The following HTR4 variants were observed in gnomAD, a reference collection of about 807,000 sequenced individuals.
The protein encoded by HTR4 is 5-hydroxytryptamine receptor 4.
A neutral mutation model predicts 36.8 loss-of-function variants in HTR4; 16 were observed. The ratio of observed to expected loss-of-function variants is 0.43; its 90% CI spans 0.29 to 0.66. HTR4 has a LOEUF of 0.66. Among genes scored for constraint, HTR4 ranks in the 30% least tolerant of loss-of-function variants. The pLI, the probability that HTR4 is intolerant of heterozygous loss-of-function variation, is 0.13. For synonymous variants in HTR4, 189 were observed against 185.1 expected, an observed-to-expected ratio of 1.02 and a Z score of -0.17; for missense variants, 438 against 490.9, an observed-to-expected ratio of 0.89 and a Z score of 1.02.
At chr5:148,606,454 A>G (rs58759285) in intron 2 of HTR4, among the ~76,000 whole-genome samples, 3,596 of 152,290 alleles carry the variant, frequency 0.024, 165 homozygotes, top group African/African-American at 0.082. Context: ...GGTTTCAAAA[A>G]AAAATGGAGC....
chr5:148,644,097 T>C (rs890797093), intron 1 of HTR4, among the ~76,000 whole-genome samples: 2 of 152,294 alleles, frequency 1.3e-5, no homozygotes, highest in Non-Finnish European at 2.9e-5. Context: ...ATGGAGAATC[T>C]ACATTTTAAC....
chr5:148,499,772 G>A (rs1014155109), intron 6 of HTR4, among the ~76,000 whole-genome samples: 3 of 152,156 alleles, frequency 2.0e-5, no homozygotes, highest in Non-Finnish European at 1.5e-5. Flanking sequence ...GGGGGTGGAG[G>A]CCACATGAAT....
In HTR4 at chr5:148,489,967, C is replaced by G. The variant is rs575186604; in HGVS notation, c.1077-6674G>C. ...CACGAAGCAGCTTCTCCCTTTATGGCTATATTATATACATAGTCCCAAAAG... is the reference window on the plus strand; with the variant it reads ...CACGAAGCAGCTTCTCCCTTTATGGGTATATTATATACATAGTCCCAAAAG... On this transcript the variant is annotated intron_variant, in intron 6 of 6. Coordinates refer to ENST00000377888, the MANE Select transcript of HTR4 (RefSeq NM_000870.7). Among the ~76,000 whole-genome samples the G allele has an allele frequency of 8.6e-5, 13 of 151,988 alleles. No homozygotes were observed. In the South Asian group the frequency reaches 2.5e-3, roughly 29 times the overall value.
intron 4 of HTR4, among the ~76,000 whole-genome samples, chr5:148,524,473 C>G (rs1451946841): frequency 2.6e-5 from 4 of 152,152 alleles, no homozygotes; most frequent in Non-Finnish European, 5.9e-5. Flanking sequence ...CCATGTTCTG[C>G]CTATGATACT....
intron 2 of HTR4, among the ~76,000 whole-genome samples, chr5:148,598,230 C>A (rs1761854648): frequency 6.6e-6 from 1 of 152,082 alleles, no homozygotes; most frequent in Non-Finnish European, 1.5e-5. Context: ...AGAAATGAGA[C>A]AGAAAAGTGA....
chr5:148,552,503 A>C (rs1321720197), intron 2 of HTR4, among the ~76,000 whole-genome samples: 1 of 152,194 alleles, frequency 6.6e-6, no homozygotes, highest in Non-Finnish European at 1.5e-5. Flanking sequence ...TCCTTCTTAG[A>C]GACTAACGGC....
intron 2 of HTR4, among the ~76,000 whole-genome samples, chr5:148,627,529 T>G (rs1753162434): frequency 1.3e-5 from 2 of 152,230 alleles, no homozygotes; most frequent in Admixed American, 1.3e-4. Flanking sequence ...AATACGCATC[T>G]ATATTTGATA....
chr5:148,453,039 A>T (rs1755011389), intron 5 of HTR4, among the ~76,000 whole-genome samples: 1 of 152,062 alleles, frequency 6.6e-6, no homozygotes. Context: ...GTCACAGGGG[A>T]GTGGAAGCTG....
chr5:148,558,916 T>A (rs930512496), intron 2 of HTR4, among the ~76,000 whole-genome samples: 4 of 152,168 alleles, frequency 2.6e-5, no homozygotes, highest in African/African-American at 9.7e-5. Flanking sequence ...TATGATGGGG[T>A]TACCTCCCAG....
Position 148,483,092 on chromosome 5 carries a change from C to T in HTR4, c.*111G>A. On this transcript the variant is annotated 3_prime_UTR_variant, in exon 7 of 7. Coordinates refer to ENST00000377888, the MANE Select transcript of HTR4 (RefSeq NM_000870.7). ...AGCACCGGGTTCCTGCACTGGCGGA[C>T]GGAAAGCCTCAGGTGAAGAGAATAC... 2.0e-6 allele frequency: 3 copies of T among 1,527,642 alleles called. No homozygotes were observed. The highest frequency in any genetic ancestry group is 2.0e-5 in the Admixed American group (1 of 49,696). The allele number at this position is 1,527,642 out of a possible 1,614,324, so 94.6% of individuals were successfully genotyped here. A position where few individuals can be genotyped will look rare whatever the true frequency, so the allele number is the denominator to read the frequency against.
intron 5 of HTR4, among the ~76,000 whole-genome samples, chr5:148,463,883 G>T (rs966822908): frequency 3.3e-5 from 5 of 151,970 alleles, no homozygotes; most frequent in African/African-American, 1.2e-4. Flanking sequence ...CCAAAGAATA[G>T]ACAAAGAGAT....
rs531150203 is a variant in HTR4, at chr5:148,596,377, G to C, written c.26+40612C>G. The stretch of plus-strand genomic sequence containing the variant: ...ACTCTCCAACTTCAACTCTGGATAG[G>C]CTCTCATTGTTTATTCTTTAAAGTT... On this transcript the variant is annotated intron_variant, in intron 2 of 6. Transcript: ENST00000377888. Among the ~76,000 whole-genome samples, 4 of 152,220 alleles carry C rather than the reference G, an allele frequency of 2.6e-5. No homozygotes were observed. In the South Asian group the frequency reaches 8.3e-4, roughly 32 times the overall value.
rs1421687006 is a variant in HTR4 at position 148,509,528 on chromosome 5, C to T, written c.1004G>A (p.Arg335Gln). 13 of 1,613,824 alleles carry T rather than the reference C, an allele frequency of 8.1e-6. No homozygotes were observed. The highest frequency in any genetic ancestry group is 3.3e-5 in the Admixed American group (2 of 59,948). Residue 335 changes from arginine to glutamine, a missense_variant, in exon 6 of 7, where the codon CGA becomes CAA. Transcript: ENST00000377888. ...IILCCDDERY[R>Q]RPSILGQTVP... ...AGTCTGGCCCAGAATGGAAGGTCTT[C>T]GGTAGCGCTCATCATCACAGCAGAG...
chr5:148,534,515 G>A (rs1053785431), intron 4 of HTR4, among the ~76,000 whole-genome samples: 3 of 152,144 alleles, frequency 2.0e-5, no homozygotes, highest in East Asian at 1.9e-4. Context: ...AGGACCTCCC[G>A]GGACAGAGAC....
chr5:148,461,671 C>A (rs559881057), intron 5 of HTR4, among the ~76,000 whole-genome samples: 2 of 152,078 alleles, frequency 1.3e-5, no homozygotes, highest in South Asian at 4.1e-4. Context: ...ATTATAGCTG[C>A]AGACTTCAAC....
At chr5:148,566,770 C>A in intron 2 of HTR4, among the ~76,000 whole-genome samples, 1 of 151,962 alleles carries the variant, frequency 6.6e-6, no homozygotes, top group Middle Eastern at 3.4e-3. Flanking sequence ...TACATGGTAC[C>A]TAATATTTAT....
intron 6 of HTR4, among the ~76,000 whole-genome samples, chr5:148,506,056 G>T (rs549151497): frequency 5.3e-5 from 8 of 151,972 alleles, no homozygotes; most frequent in Non-Finnish European, 1.0e-4. Context: ...AAAAGAGCCC[G>T]CATTGCCAAG....
chr5:148,542,726 G>A (rs997861961), intron 4 of HTR4, among the ~76,000 whole-genome samples: 4 of 152,184 alleles, frequency 2.6e-5, no homozygotes, highest in African/African-American at 9.7e-5. Flanking sequence ...ATGGTTAAAA[G>A]TCTGAAAAGT....
chr5:148,584,629 G>A (rs901645961), intron 2 of HTR4, among the ~76,000 whole-genome samples: 32 of 152,094 alleles, frequency 2.1e-4, no homozygotes, highest in African/African-American at 7.7e-4. Context: ...CTTCCTAGGT[G>A]ACAGACCCCA....
Sources: gnomAD v4.1 joint callset for allele counts (sites outside exome capture counted in the v4.1 genomes callset) on GRCh38, gnomAD v4.1.1 for gene constraint, MANE v1.5 for transcripts, NCBI Gene and HGNC (gene_info 2026-07-23, HGNC 2026-07-21) for gene names.